EHBP1: variants seen among roughly 807,000 people sequenced by gnomAD.
The protein encoded by EHBP1 is EH domain binding protein 1.
A neutral mutation model predicts 144.0 loss-of-function variants in EHBP1; 55 were observed. That is an observed-to-expected ratio of 0.38 (90% confidence interval 0.31 to 0.48). The LOEUF is 0.48. Among genes scored for constraint, EHBP1 ranks in the 20% least tolerant of loss-of-function variants. The pLI, the probability that EHBP1 is intolerant of heterozygous loss-of-function variation, is 0.98. For missense variants in EHBP1, 1,200 were observed against 1,364.2 expected, an observed-to-expected ratio of 0.88 and a Z score of 1.90; for synonymous variants, 469 against 472.7, an observed-to-expected ratio of 0.99 and a Z score of 0.10.
intron 19 of EHBP1, among the ~76,000 whole-genome samples, chr2:63,023,093 G>A (rs977433643): frequency 1.3e-5 from 2 of 152,090 alleles, no homozygotes; most frequent in African/African-American, 2.4e-5. Flanking sequence ...AGAATCGCTG[G>A]AACCCTGGGC....
At chr2:62,756,658 A>G (rs915627763) in intron 3 of EHBP1, among the ~76,000 whole-genome samples, 2 of 151,934 alleles carry the variant, frequency 1.3e-5, no homozygotes, top group African/African-American at 4.8e-5. Context: ...AATCCCAGCT[A>G]CGCGGGCGCT....
rs529927487 is a variant in EHBP1, at chr2:62,971,435, T to C, written c.2461-7753T>C. ...ACAAATTAGTTGCTCATCATCTCTC[T>C]GTATTCATTGACACAAAGGGAAATG... On this transcript the variant is annotated intron_variant, in intron 14 of 22. Coordinates refer to ENST00000431489, the MANE Select transcript of EHBP1 (RefSeq NM_001142616.3). 7.2e-5 allele frequency among the ~76,000 whole-genome samples: 11 copies of C among 152,332 alleles called. No individual in the cohort carries two copies. In the East Asian group the frequency reaches 2.1e-3, roughly 29 times the overall value.
At chr2:62,941,944 G>A (rs1449930469) in intron 10 of EHBP1, among the ~76,000 whole-genome samples, 1 of 152,006 alleles carries the variant, frequency 6.6e-6, no homozygotes, top group Non-Finnish European at 1.5e-5. Flanking sequence ...GAATAAAATT[G>A]TTAATATATA....
At chr2:62,893,024 G>A (rs1377309984) in intron 10 of EHBP1, among the ~76,000 whole-genome samples, 1 of 151,992 alleles carries the variant, frequency 6.6e-6, no homozygotes. Context: ...AGATAGTAAT[G>A]AACATTTCCA....
intron 2 of EHBP1, among the ~76,000 whole-genome samples, chr2:62,715,281 AT>A (rs1288967272): frequency 6.6e-6 from 1 of 151,580 alleles, no homozygotes; most frequent in African/African-American, 2.4e-5. Context: ...TGCCCAGCTA[AT>A]TTTTTGTATT....
intron 15 of EHBP1, among the ~76,000 whole-genome samples, chr2:62,982,031 G>C (rs2058995681): frequency 6.6e-6 from 1 of 152,158 alleles, no homozygotes; most frequent in African/African-American, 2.4e-5. Context: ...TGTCCTCGGT[G>C]GTGGGTCTTG....
intron 2 of EHBP1, among the ~76,000 whole-genome samples, chr2:62,738,605 CT>C (rs1229274388): frequency 6.6e-6 from 1 of 152,050 alleles, no homozygotes; most frequent in East Asian, 1.9e-4. Context: ...ATCTTAGGAC[CT>C]TTTTTCACTG....
At chr2:63,003,641 T>G (rs974110523) in intron 19 of EHBP1, among the ~76,000 whole-genome samples, 1 of 152,120 alleles carries the variant, frequency 6.6e-6, no homozygotes, top group Non-Finnish European at 1.5e-5. Context: ...TTTAATTTTC[T>G]AATCTGCAGT....
intron 8 of EHBP1, among the ~76,000 whole-genome samples, chr2:62,860,896 T>C (rs1024017783): frequency 6.6e-6 from 1 of 152,128 alleles, no homozygotes; most frequent in Non-Finnish European, 1.5e-5. Context: ...CAAACAAGTA[T>C]GTGTCAACCA....
chr2:62,834,354 C>T (rs531686990), intron 7 of EHBP1, among the ~76,000 whole-genome samples: 4 of 152,242 alleles, frequency 2.6e-5, no homozygotes, highest in African/African-American at 9.6e-5. Flanking sequence ...ATGCAGCAAA[C>T]TTTGTTGTTG....
chr2:62,808,010 A>G (rs2044648007), intron 5 of EHBP1, among the ~76,000 whole-genome samples: 1 of 151,714 alleles, frequency 6.6e-6, no homozygotes, highest in Non-Finnish European at 1.5e-5. Context: ...ACTTGGGGCC[A>G]GGCGTTTATT....
At chr2:62,677,340 A>T (rs566288911) in intron 1 of EHBP1, among the ~76,000 whole-genome samples, 1 of 152,278 alleles carries the variant, frequency 6.6e-6, no homozygotes, top group Admixed American at 6.5e-5. Flanking sequence ...TTGGTTTTAA[A>T]TTTTTTTAAT....
chr2:62,736,688 G>C (rs1417851979), intron 2 of EHBP1, among the ~76,000 whole-genome samples: 3 of 152,044 alleles, frequency 2.0e-5, no homozygotes, highest in Non-Finnish European at 2.9e-5. Flanking sequence ...TATTTTGGTT[G>C]GTTCTTTCTT....
intron 10 of EHBP1, among the ~76,000 whole-genome samples, chr2:62,935,365 A>C (rs898838894): frequency 6.0e-4 from 88 of 146,088 alleles, no homozygotes; most frequent in African/African-American, 1.9e-3. Context: ...ATATATATAT[A>C]TCCATCTCTT....
chr2:62,786,380 C>G (rs1553832), intron 5 of EHBP1, among the ~76,000 whole-genome samples: 51,906 of 151,984 alleles, frequency 0.34, 8,924 homozygotes, highest in Middle Eastern at 0.54. Context: ...GTTGCATCAC[C>G]TTCTTGACCT....
chr2:62,884,604 A>G (rs1245497229), intron 10 of EHBP1, among the ~76,000 whole-genome samples: 5 of 152,214 alleles, frequency 3.3e-5, no homozygotes, highest in African/African-American at 4.8e-5. Context: ...AATGTAGACT[A>G]TTGCCAAACC....
chr2:62,703,083 C>T (rs2034324970), upstream of EHBP1, among the ~76,000 whole-genome samples: 1 of 152,076 alleles, frequency 6.6e-6, no homozygotes, highest in Admixed American at 6.6e-5. Context: ...AATCCCAGCA[C>T]TTTGGAAGGC....
At chr2:62,976,667 C>G (rs1052144661) in intron 14 of EHBP1, among the ~76,000 whole-genome samples, 39 of 152,216 alleles carry the variant, frequency 2.6e-4, no homozygotes, top group African/African-American at 8.9e-4. Context: ...TCCTTTTTCT[C>G]TAGGGTACCT....
At chr2:63,014,196 G>A (rs988934594) in intron 19 of EHBP1, among the ~76,000 whole-genome samples, 1 of 152,184 alleles carries the variant, frequency 6.6e-6, no homozygotes. Context: ...AGGTTTCTCA[G>A]TATTGTTTCA....
Sources: gnomAD v4.1 joint callset for allele counts (sites outside exome capture counted in the v4.1 genomes callset) on GRCh38, gnomAD v4.1.1 for gene constraint, MANE v1.5 for transcripts, NCBI Gene and HGNC (gene_info 2026-07-23, HGNC 2026-07-21) for gene names.